Variants in TUFT1 observed in about 807,000 individuals in gnomAD.
The protein encoded by TUFT1 is tuftelin 1, also known as tuftelin.
TUFT1 carries 43 observed loss-of-function variants against 57.8 expected under a neutral mutation model. The observed-to-expected ratio is 0.74, with a 90% confidence interval of 0.58 to 0.96. TUFT1 has a LOEUF of 0.96. TUFT1 is among the 40% of genes least tolerant of loss of function. The pLI, the probability that TUFT1 is intolerant of heterozygous loss-of-function variation, is 0.00. For missense variants in TUFT1, 459 were observed against 489.0 expected, an observed-to-expected ratio of 0.94 and a Z score of 0.58; for synonymous variants, 166 against 176.7, an observed-to-expected ratio of 0.94 and a Z score of 0.48.
chr1:151,581,084 G>C, intron 12 of TUFT1, 42 bp downstream of exon 12: 1 of 1,556,846 alleles, frequency 6.4e-7, no homozygotes, highest in Non-Finnish European at 8.9e-7. Flanking sequence ...AGGGAGGAGG[G>C]GAGAAGGAGG....
chr1:151,561,730 T>C, intron 1 of TUFT1: 1 of 1,307,156 alleles, frequency 7.7e-7, no homozygotes, highest in Non-Finnish European at 1.0e-6. Context: ...GCAGAAATTC[T>C]GGATTGAGGA....
rs1212293334 is a variant in TUFT1, at chr1:151,581,718, G to T, written c.*11G>T. The T allele has an allele frequency of 6.2e-7, 1 of 1,614,172 alleles. No individual in the cohort carries two copies. The highest frequency in any genetic ancestry group is 1.1e-5 in the South Asian group (1 of 91,088). ...GTGGTGGAAACCTGAGCTGCCTGGA[G>T]ATGGTTGCTGCCATTGCTGCTGCCT... On this transcript the variant is annotated 3_prime_UTR_variant, in exon 13 of 13. Coordinates refer to ENST00000368849, the MANE Select transcript of TUFT1 (RefSeq NM_020127.3).
At chr1:151,564,432 C>T (rs1393532537) in intron 4 of TUFT1, 93 bp from the exon 5 acceptor site, 1 of 900,736 alleles carries the variant, frequency 1.1e-6, no homozygotes, top group Non-Finnish European at 1.8e-6. Context: ...GCCTGACTCG[C>T]AGTACAGGCC....
At chr1:151,546,003 C>CT (rs34362343) in intron 1 of TUFT1, 8,283 of 202,654 alleles carry the variant, frequency 0.041, 147 homozygotes, top group African/African-American at 0.098. Flanking sequence ...GCATTTTTTT[C>CT]TTTTTTTTTT....
intron 1 of TUFT1, among the ~76,000 whole-genome samples, chr1:151,560,779 G>A (rs988986791): frequency 3.3e-5 from 5 of 152,158 alleles, no homozygotes; most frequent in Non-Finnish European, 7.4e-5. Flanking sequence ...TATTTTTCCA[G>A]TGGGAACCAG....
At position 151,582,939 on chromosome 1, in the gene TUFT1, T is replaced by G. The variant is rs1666687660; in HGVS notation, c.*1232T>G. The G allele has an allele frequency of 7.0e-6, 1 of 143,528 alleles. No individual in the cohort carries two copies. Among genetic ancestry groups the G allele is most frequent in the Non-Finnish European group, 1.5e-5 (1 of 65,282 alleles). 8.9% of individuals were successfully genotyped at this position (143,528 alleles called of 1,614,324 possible). On this transcript the variant is annotated 3_prime_UTR_variant, in exon 13 of 13. Coordinates refer to ENST00000368849, the MANE Select transcript of TUFT1 (RefSeq NM_020127.3). ...TCATCATGGTTTTCTTTTTTTATTG[T>G]TTTTTTTTTTTTCTGAGACAGAGTC...
chr1:151,561,889 G>C lies in TUFT1; in HGVS notation c.61-202G>C, dbSNP rs974816298. The C allele has an allele frequency of 5.3e-6, 8 of 1,521,902 alleles. No homozygotes were observed. The African/African-American group carries it at 1.1e-4, about 21-fold the overall frequency. The allele number at this position is 1,521,902 out of a possible 1,614,324, so 94.3% of individuals were successfully genotyped here. A position where few individuals can be genotyped will look rare whatever the true frequency, so the allele number is the denominator to read the frequency against. ...TTGTTGTGAAAGAAAAAACTGTTGG[G>C]TGGTCCCAGAGTCACCACCCCAAAC... On this transcript the variant is annotated intron_variant, in intron 1 of 12. Coordinates refer to ENST00000368849, the MANE Select transcript of TUFT1 (RefSeq NM_020127.3).
In TUFT1 at chr1:151,578,812, C is replaced by A; in HGVS notation, c.910C>A (p.Gln304Lys). The change falls in exon 10 of 13, where the codon CAA (glutamine) becomes AAA (lysine). Residue 304 changes from glutamine to lysine, a missense_variant. Gln to Lys is a moderately conservative substitution (Grantham distance 53). Coordinates refer to ENST00000368849, the MANE Select transcript of TUFT1 (RefSeq NM_020127.3). ...MLKSQQRKVR[Q>K]MIEQLQNSKA... ...CAAGAGCCAGCAGCGGAAAGTCCGG[C>A]AAATGATAGAGCAGGTAAGTTGGGC... is the stretch of plus-strand genomic sequence containing the variant. 3 of 1,569,902 alleles carry A rather than the reference C, an allele frequency of 1.9e-6. No homozygotes were observed. The highest frequency in any genetic ancestry group is 2.6e-6 in the Non-Finnish European group (3 of 1,156,050).
At chr1:151,578,659 C>T in intron 9 of TUFT1, 62 bp from the exon 10 acceptor site, 1 of 1,426,220 alleles carries the variant, frequency 7.0e-7, no homozygotes, top group Admixed American at 2.0e-5. Context: ...AAGGCTCTTC[C>T]TGTGACTGGG....
chr1:151,559,883 T>TC (rs1665826334), intron 1 of TUFT1, among the ~76,000 whole-genome samples: 1 of 151,872 alleles, frequency 6.6e-6, no homozygotes, highest in Non-Finnish European at 1.5e-5. Context: ...AACCTCCGCC[T>TC]CCCTGGTTCA....
At chr1:151,574,519 A>C (rs1293997421) in intron 8 of TUFT1, 121 bp downstream of exon 8, 6 of 1,333,562 alleles carry the variant, frequency 4.5e-6, no homozygotes. Flanking sequence ...CACACTTCGC[A>C]CCTTCCTTTG....
At chr1:151,575,072 T>A in intron 9 of TUFT1, 67 bp downstream of exon 9, 1 of 1,386,996 alleles carries the variant, frequency 7.2e-7, no homozygotes, top group Non-Finnish European at 1.0e-6. Flanking sequence ...CCATACAGCC[T>A]GTTGCTCCTG....
rs1368601373 is a variant in TUFT1, at chr1:151,578,801, G to T, written c.899G>T (p.Arg300Leu). The change falls in exon 10 of 13, where the codon CGG (arginine) becomes CTG (leucine). Residue 300 changes from arginine (R) to leucine (L), a missense_variant. Arg to Leu is a moderately radical substitution (Grantham distance 102, BLOSUM62 -2). Coordinates refer to ENST00000368849, the MANE Select transcript of TUFT1 (RefSeq NM_020127.3). ...GATGACATGCTCAAGAGCCAGCAGC[G>T]GAAAGTCCGGCAAATGATAGAGCAG... ...HLDDMLKSQQ[R>L]KVRQMIEQLQ... The T allele has an allele frequency of 6.3e-7, 1 of 1,576,042 alleles. No individual in the cohort carries two copies. The highest frequency in any genetic ancestry group is 8.6e-7 in the Non-Finnish European group (1 of 1,159,490).
Position 151,561,469 on chromosome 1 carries a change from G to GCACACA in TUFT1, c.61-621_61-620insACACAC, listed in dbSNP as rs1227384938. ...GTTGAGGCTGCAGTCATGCGCGCGCGCGCGCACACACACACACACACACAC... is the reference window on the plus strand; with the variant it reads ...GTTGAGGCTGCAGTCATGCGCGCGCGCACACACGCGCACACACACACACACACACAC... On this transcript the variant is annotated intron_variant, in intron 1 of 12. Transcript: ENST00000368849. The GCACACA allele has an allele frequency of 5.0e-5, 16 of 319,332 alleles. No homozygotes were observed. In the East Asian group the frequency reaches 6.9e-4, roughly 14 times the overall value. 19.8% of individuals were successfully genotyped at this position (319,332 alleles called of 1,614,324 possible). A position where few individuals can be genotyped will look rare whatever the true frequency, so the allele number is the denominator to read the frequency against.
intron 5 of TUFT1, among the ~76,000 whole-genome samples, chr1:151,565,272 C>T (rs760883771): frequency 1.3e-5 from 2 of 152,178 alleles, no homozygotes; most frequent in Non-Finnish European, 2.9e-5. Context: ...TCAGTTTTTC[C>T]AAAACTCGAG....
At chr1:151,546,706 T>C (rs1211658900) in intron 1 of TUFT1, among the ~76,000 whole-genome samples, 1 of 152,258 alleles carries the variant, frequency 6.6e-6, no homozygotes, top group Admixed American at 6.5e-5. Context: ...CAGTACTTCA[T>C]TCCTTTTTAT....
intron 6 of TUFT1, among the ~76,000 whole-genome samples, chr1:151,568,819 A>G (rs1185946365): frequency 6.6e-6 from 1 of 152,208 alleles, no homozygotes; most frequent in Non-Finnish European, 1.5e-5. Context: ...ACCGGATGTT[A>G]TCTTACCTAG....
intron 6 of TUFT1, among the ~76,000 whole-genome samples, chr1:151,567,815 G>T (rs1005246872): frequency 6.6e-6 from 1 of 152,208 alleles, no homozygotes; most frequent in Non-Finnish European, 1.5e-5. Context: ...CAAAGTGTTA[G>T]GATTACAGGC....
At chr1:151,550,263 C>T (rs903762126) in intron 1 of TUFT1, among the ~76,000 whole-genome samples, 1 of 151,498 alleles carries the variant, frequency 6.6e-6, no homozygotes, top group African/African-American at 2.4e-5. Flanking sequence ...GAACTCCTGA[C>T]CTCTGGTGAT....
Sources: allele counts gnomAD v4.1 joint callset (sites outside exome capture counted in the v4.1 genomes callset), GRCh38; gene constraint gnomAD v4.1.1; transcripts MANE v1.5; gene names NCBI Gene and HGNC (gene_info 2026-07-23, HGNC 2026-07-21).